The following PUDP variants were observed in gnomAD, a reference collection of about 807,000 sequenced individuals.
The protein encoded by PUDP is pseudouridine-5'-phosphatase.
PUDP carries 8 observed loss-of-function variants against 9.4 expected under a neutral mutation model. The observed-to-expected ratio is 0.85, with a 90% confidence interval of 0.50 to 1.53. The LOEUF (loss-of-function observed/expected upper bound fraction) is 1.53, where lower values mean the gene tolerates loss of function less well. Ranked by LOEUF, PUDP falls within the 40% of genes most tolerant of loss-of-function variation. The probability of loss-of-function intolerance (pLI) is 0.00; values close to 1 mark genes in which losing one functional copy is unlikely to be tolerated. For missense variants in PUDP, 188 were observed against 189.7 expected (o/e 0.99, Z 0.05); for synonymous variants, 99 against 80.7 (o/e 1.23, Z -1.22).
intron 3 of PUDP, among the ~76,000 whole-genome samples, chrX:6,732,710 GGA>G (rs1377810038): frequency 1.4e-4 from 15 of 109,812 alleles, no homozygotes; most frequent in Non-Finnish European, 2.9e-4. Flanking sequence ...AATCAGTGAG[GGA>G]GTAACTGTAA....
chrX:6,983,561 C>T (rs1383832352), intron 1 of PUDP, among the ~76,000 whole-genome samples: 1 of 112,031 alleles, frequency 8.9e-6, no homozygotes, highest in Admixed American at 9.4e-5. Context: ...GAACTCCAGC[C>T]CCTTTCATCT....
intron 3 of PUDP, among the ~76,000 whole-genome samples, chrX:6,895,345 TATA>T (rs1282914543): frequency 1.9e-5 from 2 of 105,983 alleles, no homozygotes; most frequent in East Asian, 5.7e-4. Flanking sequence ...TATATATTAC[TATA>T]ATATCTAATA....
intron 3 of PUDP, among the ~76,000 whole-genome samples, chrX:7,068,265 G>C (rs1330779621): frequency 8.9e-6 from 1 of 112,099 alleles, no homozygotes; most frequent in African/African-American, 3.2e-5. Context: ...TAAATCACTC[G>C]GTATTCCTGG....
intron 3 of PUDP, among the ~76,000 whole-genome samples, chrX:6,847,027 G>C (rs1435477221): frequency 8.9e-6 from 1 of 111,873 alleles, no homozygotes; most frequent in Non-Finnish European, 1.9e-5. Flanking sequence ...AAGCTCTGTG[G>C]TCACTTTTCA....
chrX:6,900,354 T>C lies in PUDP; in HGVS notation c.*247+76779A>G, dbSNP rs756901781. On this transcript the variant is annotated intron_variant and NMD_transcript_variant, in intron 3 of 3. Transcript: ENST00000655425. The stretch of plus-strand genomic sequence containing the variant: ...GGGGGGGGGCGCTGCTACTGGCATC[T>C]GGTGGGTGGAGGCCACAGATGCTGT... Among the ~76,000 whole-genome samples the C allele has an allele frequency of 1.6e-3, 173 of 105,713 alleles. 2 individuals are homozygous for C. Among genetic ancestry groups the C allele is most frequent in the Non-Finnish European group, 2.4e-3 (125 of 51,530 alleles). The allele number at this position is 105,713 out of a possible 115,157, so 91.8% of individuals were successfully genotyped here. A position where few individuals can be genotyped will look rare whatever the true frequency, so the allele number is the denominator to read the frequency against.
intron 1 of PUDP, among the ~76,000 whole-genome samples, chrX:7,029,385 A>G (rs1929762516): frequency 8.9e-6 from 1 of 112,168 alleles, no homozygotes; most frequent in Admixed American, 9.5e-5. Flanking sequence ...GGTGGTTCTC[A>G]GTCTTTATTT....
chrX:6,967,898 G>A (rs1372583264), intron 3 of PUDP, among the ~76,000 whole-genome samples: 1 of 112,072 alleles, frequency 8.9e-6, no homozygotes, highest in Non-Finnish European at 1.9e-5. Flanking sequence ...ATTCCAGAGA[G>A]GGTCCCACCT....
chrX:6,877,724 C>T (rs1296212837), intron 3 of PUDP, among the ~76,000 whole-genome samples: 3 of 111,784 alleles, frequency 2.7e-5, no homozygotes, highest in East Asian at 2.8e-4. Flanking sequence ...AAGCTTGTTA[C>T]GAGTAATTAC....
intron 3 of PUDP, among the ~76,000 whole-genome samples, chrX:6,794,399 T>C (rs750242648): frequency 5.7e-4 from 64 of 111,592 alleles, no homozygotes; most frequent in Non-Finnish European, 1.1e-3. Flanking sequence ...TTCCCCTATA[T>C]AGGGCATTTG....
At chrX:7,074,709 A>C (rs4830396) in intron 3 of PUDP, among the ~76,000 whole-genome samples, 37,623 of 111,309 alleles carry the variant, frequency 0.34, 4,852 homozygotes, top group Middle Eastern at 0.48. Flanking sequence ...GAAGCTATGG[A>C]ATAATTCTTC....
chrX:7,059,912 T>TTA (rs768704020), intron 3 of PUDP, among the ~76,000 whole-genome samples: 1 of 112,124 alleles, frequency 8.9e-6, no homozygotes, highest in Non-Finnish European at 1.9e-5. Context: ...AAGCTGCCAT[T>TTA]TATAATGGGA....
At chrX:6,799,874 A>G (rs1250162167) in intron 3 of PUDP, among the ~76,000 whole-genome samples, 1 of 112,157 alleles carries the variant, frequency 8.9e-6, no homozygotes, top group Non-Finnish European at 1.9e-5. Context: ...TTGGGCTTTA[A>G]CACTGTGATC....
chrX:6,951,588 AC>A (rs1457572357), intron 3 of PUDP, among the ~76,000 whole-genome samples: 3 of 111,240 alleles, frequency 2.7e-5, no homozygotes, highest in African/African-American at 9.8e-5. Context: ...GACACCTGAA[AC>A]CATTTAGAAG....
chrX:6,981,028 C>T (rs1362399304), intron 1 of PUDP, among the ~76,000 whole-genome samples: 2 of 111,788 alleles, frequency 1.8e-5, no homozygotes, highest in South Asian at 3.7e-4. Flanking sequence ...CTCATCTCCA[C>T]ATCACCCACA....
At chrX:6,930,502 G>A (rs1268792673) in intron 3 of PUDP, among the ~76,000 whole-genome samples, 1 of 111,431 alleles carries the variant, frequency 9.0e-6, no homozygotes, top group Non-Finnish European at 1.9e-5. Flanking sequence ...ACGTCCTGCA[G>A]TTACCCCATA....
At chrX:6,855,293 A>G (rs994054450) in intron 3 of PUDP, among the ~76,000 whole-genome samples, 1 of 112,379 alleles carries the variant, frequency 8.9e-6, no homozygotes, top group Non-Finnish European at 1.9e-5. Context: ...CACATAATTT[A>G]TAAATCCCAT....
intron 1 of PUDP, among the ~76,000 whole-genome samples, chrX:7,106,979 A>C (rs2146899702): frequency 8.9e-6 from 1 of 112,101 alleles, no homozygotes; most frequent in South Asian, 3.9e-4. Flanking sequence ...GGCTATCCCA[A>C]GGCCTGGGCA....
chrX:6,903,945 T>A, intron 3 of PUDP, among the ~76,000 whole-genome samples: 1 of 101,079 alleles, frequency 9.9e-6, no homozygotes, highest in East Asian at 3.2e-4. Context: ...TTAAAAAATA[T>A]ATATATATTT....
At chrX:6,807,038 C>T (rs1400933098) in intron 3 of PUDP, among the ~76,000 whole-genome samples, 1 of 112,297 alleles carries the variant, frequency 8.9e-6, no homozygotes, top group Non-Finnish European at 1.9e-5. Context: ...GGAAATGAGC[C>T]CTCTGAAAGG....
Sources: gnomAD v4.1 joint callset for allele counts (sites outside exome capture counted in the v4.1 genomes callset) on GRCh38, gnomAD v4.1.1 for gene constraint, MANE v1.5 for transcripts, NCBI Gene and HGNC (gene_info 2026-07-23, HGNC 2026-07-21) for gene names.